GRM5: variants seen among roughly 807,000 people sequenced by gnomAD.
GRM5 encodes glutamate metabotropic receptor 5.
GRM5 carries 19 observed loss-of-function variants against 83.1 expected under a neutral mutation model. The ratio of observed to expected loss-of-function variants is 0.23; its 90% CI spans 0.16 to 0.34. The LOEUF (loss-of-function observed/expected upper bound fraction) is 0.34. GRM5 is among the 10% of genes least tolerant of loss of function. GRM5 has a pLI of 1.00. For synonymous variants in GRM5, 675 were observed against 633.6 expected (o/e 1.07, Z -0.98); for missense variants, 1,160 against 1,588.3 (o/e 0.73, Z 4.58).
At chr11:88,511,655 C>A (rs1941372608) in intron 9 of GRM5, 1 of 152,242 alleles carries the variant, frequency 6.6e-6, no homozygotes, top group Non-Finnish European at 1.5e-5. Context: ...AGAGGGGGCA[C>A]TGCCAAACAG....
At chr11:88,638,919 C>T (rs1180211792) in intron 4 of GRM5, among the ~76,000 whole-genome samples, 2 of 151,796 alleles carry the variant, frequency 1.3e-5, no homozygotes, top group Non-Finnish European at 1.5e-5. Flanking sequence ...AAGAAACAGG[C>T]TTTAATTTTA....
intron 3 of GRM5, among the ~76,000 whole-genome samples, chr11:88,716,974 G>GACTT (rs1403847681): frequency 1.3e-5 from 2 of 151,908 alleles, no homozygotes; most frequent in Non-Finnish European, 2.9e-5. Flanking sequence ...TAACTCAAGG[G>GACTT]ACTTAAACTA....
intron 4 of GRM5, among the ~76,000 whole-genome samples, chr11:88,610,092 GTGTT>G (rs1305139486): frequency 3.3e-5 from 5 of 152,138 alleles, no homozygotes; most frequent in Admixed American, 2.6e-4. Context: ...ACTGGCCTAT[GTGTT>G]TGTTTTTCTA....
At chr11:88,538,966 A>G (rs1037841669) in intron 8 of GRM5, among the ~76,000 whole-genome samples, 2 of 152,128 alleles carry the variant, frequency 1.3e-5, no homozygotes, top group African/African-American at 4.8e-5. Flanking sequence ...TAACTGTACT[A>G]TTTTTCAAAC....
intron 3 of GRM5, among the ~76,000 whole-genome samples, chr11:88,682,244 T>C (rs1354914142): frequency 6.6e-6 from 1 of 152,182 alleles, no homozygotes; most frequent in African/African-American, 2.4e-5. Context: ...CTACTCTCTA[T>C]GTATCAGTAT....
At chr11:88,890,703 G>T (rs1263266199) in intron 2 of GRM5, among the ~76,000 whole-genome samples, 1 of 152,068 alleles carries the variant, frequency 6.6e-6, no homozygotes, top group East Asian at 1.9e-4. Context: ...AGATAAGTAA[G>T]GCCTGGGACA....
intron 2 of GRM5, among the ~76,000 whole-genome samples, chr11:88,910,938 T>TAG (rs1426632861): frequency 6.6e-6 from 1 of 152,082 alleles, no homozygotes; most frequent in African/African-American, 2.4e-5. Context: ...TTTCAGTAGC[T>TAG]AGAGAATGGG....
intron 3 of GRM5, among the ~76,000 whole-genome samples, chr11:88,762,403 A>C (rs1942540612): frequency 6.6e-6 from 1 of 151,944 alleles, no homozygotes; most frequent in Non-Finnish European, 1.5e-5. Context: ...AATAATACAT[A>C]TTTGCAGCCA....
intron 7 of GRM5, among the ~76,000 whole-genome samples, chr11:88,586,448 T>C (rs11020526): frequency 0.15 from 22,609 of 152,154 alleles, 3,350 homozygotes; most frequent in African/African-American, 0.39. Context: ...GCATTATATA[T>C]GTACTGGTTG....
intron 3 of GRM5, among the ~76,000 whole-genome samples, chr11:88,823,199 G>A (rs956846389): frequency 9.3e-5 from 14 of 150,636 alleles, no homozygotes; most frequent in African/African-American, 2.9e-4. Flanking sequence ...TGTTACATAT[G>A]CTTTCATTTT....
At chr11:89,041,958 G>T (rs562602678) in intron 2 of GRM5, among the ~76,000 whole-genome samples, 1 of 152,218 alleles carries the variant, frequency 6.6e-6, no homozygotes, top group East Asian at 1.9e-4. Context: ...CAGAGTTTCC[G>T]CAAACCTTCG....
chr11:88,688,385 A>G lies in GRM5; in HGVS notation c.912-34982T>C, dbSNP rs73531907. 5.7e-3 allele frequency among the ~76,000 whole-genome samples: 874 copies of G among 152,314 alleles called. 6 individuals are homozygous for G. Among genetic ancestry groups the G allele is most frequent in the African/African-American group, 0.02 (848 of 41,572 alleles). On this transcript the variant is annotated intron_variant, in intron 3 of 9. Coordinates refer to ENST00000305447, the MANE Select transcript of GRM5 (RefSeq NM_001143831.3). ...GATATTTACAACTATAATAAGTGCA[A>G]ATGGACAATAAGAAAACTAATTTTC...
intron 7 of GRM5, among the ~76,000 whole-genome samples, chr11:88,586,086 T>G (rs1011754051): frequency 4.7e-5 from 7 of 150,436 alleles, no homozygotes. Context: ...ATAATATCAT[T>G]CAATCCTCTG....
At chr11:88,619,707 A>T (rs1024637409) in intron 4 of GRM5, among the ~76,000 whole-genome samples, 8 of 152,148 alleles carry the variant, frequency 5.3e-5, no homozygotes, top group South Asian at 2.1e-4. Context: ...GTTTATTTTT[A>T]AAAAATCTGG....
chr11:88,820,532 T>C (rs1943771749), intron 3 of GRM5, among the ~76,000 whole-genome samples: 2 of 152,210 alleles, frequency 1.3e-5, no homozygotes, highest in African/African-American at 4.8e-5. Context: ...ACTTTATAAT[T>C]TGAAAAACTA....
At chr11:88,937,827 T>A (rs1431683674) in intron 2 of GRM5, among the ~76,000 whole-genome samples, 1 of 151,638 alleles carries the variant, frequency 6.6e-6, no homozygotes, top group Admixed American at 6.6e-5. Context: ...GCAAAGCCAG[T>A]GGATATGTGG....
At chr11:88,796,885 TAC>T (rs1172443503) in intron 3 of GRM5, among the ~76,000 whole-genome samples, 1 of 127,506 alleles carries the variant, frequency 7.8e-6, no homozygotes, top group Non-Finnish European at 1.7e-5. Context: ...GAAAGGAAAG[TAC>T]ACACACACAC....
At chr11:88,910,242 T>A (rs916393068) in intron 2 of GRM5, among the ~76,000 whole-genome samples, 4 of 152,108 alleles carry the variant, frequency 2.6e-5, no homozygotes, top group African/African-American at 9.6e-5. Context: ...GTGGCATGTA[T>A]CAGACTTCAT....
intron 3 of GRM5, among the ~76,000 whole-genome samples, chr11:88,654,931 T>C (rs1395302305): frequency 1.3e-5 from 2 of 152,086 alleles, no homozygotes; most frequent in Non-Finnish European, 1.5e-5. Context: ...ATATTGATAA[T>C]TGGGAGTTAT....
Sources: allele counts gnomAD v4.1 joint callset (sites outside exome capture counted in the v4.1 genomes callset), GRCh38; gene constraint gnomAD v4.1.1; transcripts MANE v1.5; gene names NCBI Gene and HGNC (gene_info 2026-07-23, HGNC 2026-07-21).